The following CWF19L1 variants were observed in gnomAD, a reference collection of about 807,000 sequenced individuals.
CWF19L1 encodes CWF19-like protein 1.
In CWF19L1, 60 loss-of-function variants were observed where a neutral mutation model predicts 69.7. The ratio of observed to expected loss-of-function variants is 0.86; its 90% CI spans 0.70 to 1.07. The LOEUF is 1.07. CWF19L1 is among the 50% of genes least tolerant of loss of function. CWF19L1 has a pLI of 0.00. For missense variants in CWF19L1, 591 were observed against 638.9 expected (o/e 0.92, Z 0.81); for synonymous variants, 209 against 222.2 (o/e 0.94, Z 0.53).
At chr10:100,237,235 A>G (rs771172072) in intron 11 of CWF19L1, 1 of 649,022 alleles carries the variant, frequency 1.5e-6, no homozygotes, top group South Asian at 1.4e-5. Flanking sequence ...CTCCGATATT[A>G]TATATGTGGC....
intron 7 of CWF19L1, among the ~76,000 whole-genome samples, chr10:100,249,320 T>G (rs1236763561): frequency 6.6e-6 from 1 of 152,240 alleles, no homozygotes; most frequent in Non-Finnish European, 1.5e-5. Context: ...CATGTGATAG[T>G]GGAATAATCT....
chr10:100,233,200 A>C lies in CWF19L1; in HGVS notation c.*27T>G, dbSNP rs772846864. The C allele has an allele frequency of 1.3e-6, 2 of 1,566,282 alleles. No individual in the cohort carries two copies. Among genetic ancestry groups the C allele is most frequent in the Non-Finnish European group, 1.7e-6 (2 of 1,155,650 alleles). On this transcript the variant is annotated 3_prime_UTR_variant, in exon 14 of 14. Coordinates refer to ENST00000354105, the MANE Select transcript of CWF19L1 (RefSeq NM_018294.6). ...AAAAAAGCTTTACTACTTCCTGTGGAGTTCATAAAAAGTTCTTCCCTTTGT... is the reference window on the plus strand; with the variant it reads ...AAAAAAGCTTTACTACTTCCTGTGGCGTTCATAAAAAGTTCTTCCCTTTGT...
At chr10:100,267,454 C>A in intron 1 of CWF19L1, 117 bp downstream of exon 1, 1 of 1,597,238 alleles carries the variant, frequency 6.3e-7, no homozygotes, top group Non-Finnish European at 8.5e-7. Flanking sequence ...CCAGCAGCCC[C>A]GTGTCTCTCC....
At chr10:100,266,767 G>GAA (rs1462659749) in intron 1 of CWF19L1, among the ~76,000 whole-genome samples, 3 of 150,668 alleles carry the variant, frequency 2.0e-5, no homozygotes, top group African/African-American at 4.9e-5. Context: ...TGATCCGCCC[G>GAA]CCTCAGCCTC....
chr10:100,236,800 A>G lies in CWF19L1; in HGVS notation c.1374+50T>C, dbSNP rs371279576. ...AACAAACAAACAACAAACAACAACA[A>G]AAAAAACAGATATTTACTCTTCCCT... On this transcript the variant is annotated intron_variant, in intron 12 of 13. Transcript: ENST00000354105. 2.1e-5 allele frequency: 32 copies of G among 1,536,364 alleles called. No individual in the cohort carries two copies. The African/African-American group carries it at 4.0e-4, about 19-fold the overall frequency.
intron 11 of CWF19L1, among the ~76,000 whole-genome samples, chr10:100,237,651 T>C (rs1158938052): frequency 6.6e-6 from 1 of 152,002 alleles, no homozygotes; most frequent in African/African-American, 2.4e-5. Flanking sequence ...AAACTTTATA[T>C]AATTTTTTTT....
chr10:100,250,114 A>G (rs2134299189), intron 7 of CWF19L1, 134 bp downstream of exon 7: 2 of 696,886 alleles, frequency 2.9e-6, no homozygotes, highest in East Asian at 5.3e-5. Context: ...CCATACCTTT[A>G]CAAAGGAGTC....
intron 4 of CWF19L1, among the ~76,000 whole-genome samples, chr10:100,257,632 T>C (rs1423627951): frequency 1.3e-5 from 2 of 151,966 alleles, no homozygotes; most frequent in Non-Finnish European, 2.9e-5. Flanking sequence ...TGCAATCAGT[T>C]TCCCTCTCCC....
intron 13 of CWF19L1, 129 bp from the exon 14 acceptor site, chr10:100,233,500 A>T: frequency 1.2e-6 from 1 of 801,680 alleles, no homozygotes; most frequent in Non-Finnish European, 1.9e-6. Context: ...CTGCCATACT[A>T]TTGATCAAAA....
chr10:100,248,951 G>T, intron 7 of CWF19L1: 1 of 756,616 alleles, frequency 1.3e-6, no homozygotes. Context: ...GCCACCGCAG[G>T]GAACAGCCTG....
At chr10:100,240,125 T>C (rs538676629) in intron 10 of CWF19L1, among the ~76,000 whole-genome samples, 5 of 152,186 alleles carry the variant, frequency 3.3e-5, no homozygotes, top group Non-Finnish European at 7.3e-5. Context: ...TTTCAAACTC[T>C]CACCTTCTAA....
At position 100,238,264 on chromosome 10, in the gene CWF19L1, A is replaced by C. The variant is rs756201377; in HGVS notation, c.1045-33T>G. ...AGCAGCACACAGAATTGAGACATCA[A>C]TACAGCATGTAGGATTCTCCAGGGA... On this transcript the variant is annotated intron_variant, in intron 10 of 13. Transcript: ENST00000354105. 6 of 1,595,262 alleles carry C rather than the reference A, an allele frequency of 3.8e-6. No individual in the cohort carries two copies. The South Asian group carries it at 6.6e-5, about 18-fold the overall frequency.
intron 9 of CWF19L1, among the ~76,000 whole-genome samples, chr10:100,244,008 A>G (rs1846722293): frequency 6.6e-6 from 1 of 152,260 alleles, no homozygotes; most frequent in Non-Finnish European, 1.5e-5. Context: ...CCACAAGTGC[A>G]AAATCACACA....
At position 100,253,657 on chromosome 10, in the gene CWF19L1, AG is replaced by A. The variant is rs1564858588; in HGVS notation, c.505-119del. ...ATACATGAATACAGATGTGGACAGAAGGAACTGCACATTGAATTTCATAAGT... is the reference window on the plus strand; with the variant it reads ...ATACATGAATACAGATGTGGACAGAAGAACTGCACATTGAATTTCATAAGT... On this transcript the variant is annotated intron_variant, in intron 5 of 13. Coordinates refer to ENST00000354105, the MANE Select transcript of CWF19L1 (RefSeq NM_018294.6). The A allele has an allele frequency of 4.0e-5, 26 of 645,872 alleles. No individual in the cohort carries two copies. The South Asian group carries it at 4.7e-4, about 12-fold the overall frequency. 40.0% of individuals were successfully genotyped at this position (645,872 alleles called of 1,614,324 possible).
chr10:100,243,035 A>G (rs1233401479), intron 10 of CWF19L1, among the ~76,000 whole-genome samples: 3 of 152,214 alleles, frequency 2.0e-5, no homozygotes, highest in African/African-American at 7.2e-5. Flanking sequence ...AAGATGGTGC[A>G]GTCATTTTGG....
intron 7 of CWF19L1, chr10:100,248,874 GA>G: frequency 6.7e-6 from 7 of 1,040,596 alleles, no homozygotes; most frequent in African/African-American, 1.6e-5. Flanking sequence ...CTGAGCAGCA[GA>G]AAAAGGCAGC....
At chr10:100,261,776 C>CA (rs1847410843) in intron 2 of CWF19L1, among the ~76,000 whole-genome samples, 1 of 152,112 alleles carries the variant, frequency 6.6e-6, no homozygotes, top group African/African-American at 2.4e-5. Flanking sequence ...TATTCAAATT[C>CA]AAAAAATATA....
intron 7 of CWF19L1, chr10:100,248,828 G>T: frequency 3.8e-6 from 5 of 1,326,432 alleles, no homozygotes; most frequent in Non-Finnish European, 3.2e-6. Flanking sequence ...GTGGCTCAGC[G>T]GGAAGCAGAG....
At chr10:100,248,171 A>G in intron 7 of CWF19L1, 2 of 612,690 alleles carry the variant, frequency 3.3e-6, no homozygotes. Flanking sequence ...ACATTTGCTA[A>G]GAATTGGGCA....
Sources: gnomAD v4.1 joint callset for allele counts (sites outside exome capture counted in the v4.1 genomes callset) on GRCh38, gnomAD v4.1.1 for gene constraint, MANE v1.5 for transcripts, NCBI Gene and HGNC (gene_info 2026-07-23, HGNC 2026-07-21) for gene names.